The following LRRC20 variants were observed in gnomAD, a reference collection of about 807,000 sequenced individuals.
The protein encoded by LRRC20 is leucine-rich repeat-containing protein 20.
LRRC20 carries 11 observed loss-of-function variants against 14.4 expected under a neutral mutation model. The ratio of observed to expected loss-of-function variants is 0.77; its 90% CI spans 0.48 to 1.27. The LOEUF (loss-of-function observed/expected upper bound fraction) is 1.27. Ranked by LOEUF, LRRC20 falls within the 50% of genes most tolerant of loss-of-function variation. The pLI, the probability that LRRC20 is intolerant of heterozygous loss-of-function variation, is 0.00. For synonymous variants in LRRC20, 121 were observed against 107.3 expected, an observed-to-expected ratio of 1.13 and a Z score of -0.79; for missense variants, 219 against 251.2, an observed-to-expected ratio of 0.87 and a Z score of 0.87.
chr10:70,367,518 G>A (rs1051377099), intron 2 of LRRC20, among the ~76,000 whole-genome samples: 5 of 152,178 alleles, frequency 3.3e-5, no homozygotes, highest in Admixed American at 1.3e-4. Flanking sequence ...CTGTTCAGCA[G>A]TGAAAGGAAC....
intron 2 of LRRC20, among the ~76,000 whole-genome samples, chr10:70,345,980 G>A (rs987334483): frequency 1.2e-4 from 18 of 151,952 alleles, no homozygotes; most frequent in African/African-American, 3.6e-4. Context: ...AATAAAATAC[G>A]GCTGGATATG....
At chr10:70,373,438 C>A (rs1589130915) in intron 2 of LRRC20, among the ~76,000 whole-genome samples, 1 of 152,224 alleles carries the variant, frequency 6.6e-6, no homozygotes, top group Non-Finnish European at 1.5e-5. Flanking sequence ...CCTGGGAGCC[C>A]CCAAGCAACT....
chr10:70,362,105 A>G (rs1843747905), intron 2 of LRRC20, among the ~76,000 whole-genome samples: 1 of 152,220 alleles, frequency 6.6e-6, no homozygotes, highest in Admixed American at 6.5e-5. Context: ...GAATCACTTG[A>G]ACCCAGGAGG....
intron 3 of LRRC20, among the ~76,000 whole-genome samples, chr10:70,324,403 C>T (rs1179718466): frequency 6.6e-6 from 1 of 152,214 alleles, no homozygotes; most frequent in Non-Finnish European, 1.5e-5. Context: ...GCCTCTCCCC[C>T]TCGGGGCTCC....
At chr10:70,303,045 G>A (rs1456291600) in intron 4 of LRRC20, among the ~76,000 whole-genome samples, 2 of 151,670 alleles carry the variant, frequency 1.3e-5, no homozygotes, top group African/African-American at 2.4e-5. Flanking sequence ...AGGTTAAAAT[G>A]GCACATTTTG....
At chr10:70,319,354 C>T (rs182299216) in intron 4 of LRRC20, among the ~76,000 whole-genome samples, 167 of 152,288 alleles carry the variant, frequency 1.1e-3, no homozygotes, top group African/African-American at 3.8e-3. Context: ...CCGGTGAGCA[C>T]GTGGTGAGGC....
At chr10:70,343,251 G>A (rs1412975040) in intron 2 of LRRC20, among the ~76,000 whole-genome samples, 2 of 152,142 alleles carry the variant, frequency 1.3e-5, no homozygotes, top group Non-Finnish European at 2.9e-5. Context: ...TATCTTCCCA[G>A]TGGACTGGGA....
intron 3 of LRRC20, among the ~76,000 whole-genome samples, chr10:70,337,981 ATCC>A (rs1015116498): frequency 5.9e-5 from 9 of 152,058 alleles, no homozygotes; most frequent in African/African-American, 2.2e-4. Flanking sequence ...CAATCATTCT[ATCC>A]TCCTCGGGAA....
At chr10:70,303,397 C>A (rs995119282) in intron 4 of LRRC20, among the ~76,000 whole-genome samples, 1 of 152,182 alleles carries the variant, frequency 6.6e-6, no homozygotes, top group African/African-American at 2.4e-5. Flanking sequence ...CTACCTATAT[C>A]ACTGCTCCAT....
intron 2 of LRRC20, among the ~76,000 whole-genome samples, chr10:70,365,458 A>G (rs1470793443): frequency 1.3e-5 from 2 of 152,246 alleles, no homozygotes; most frequent in African/African-American, 4.8e-5. Context: ...ACCTTGGGTT[A>G]GGCAAAGACT....
chr10:70,341,937 G>A (rs539094901), intron 2 of LRRC20, among the ~76,000 whole-genome samples: 34 of 152,278 alleles, frequency 2.2e-4, no homozygotes, highest in African/African-American at 7.0e-4. Context: ...GCATACAGAC[G>A]GAAAGTAGAT....
chr10:70,373,836 A>C (rs1844399667), intron 2 of LRRC20, among the ~76,000 whole-genome samples: 1 of 152,168 alleles, frequency 6.6e-6, no homozygotes, highest in Admixed American at 6.5e-5. Flanking sequence ...CAGGCATGGC[A>C]GTGGTCTGGC....
At chr10:70,376,678 C>T in intron 1 of LRRC20, 82 bp from the exon 2 acceptor site, 1 of 715,390 alleles carries the variant, frequency 1.4e-6, no homozygotes, top group South Asian at 1.7e-5. Context: ...TCCTTCTCCC[C>T]CAGGACCCAG....
intron 2 of LRRC20, among the ~76,000 whole-genome samples, chr10:70,344,161 C>T (rs1001737606): frequency 6.6e-6 from 1 of 151,922 alleles, no homozygotes; most frequent in East Asian, 1.9e-4. Flanking sequence ...CTCTACACTT[C>T]ACTGCACTCC....
intron 2 of LRRC20, among the ~76,000 whole-genome samples, chr10:70,355,958 C>G (rs919016215): frequency 6.6e-6 from 1 of 152,140 alleles, no homozygotes; most frequent in Non-Finnish European, 1.5e-5. Flanking sequence ...GAAGCCCCTG[C>G]CTCTCTAGGA....
At chr10:70,329,878 T>C (rs1389838961) in intron 3 of LRRC20, among the ~76,000 whole-genome samples, 1 of 152,214 alleles carries the variant, frequency 6.6e-6, no homozygotes, top group African/African-American at 2.4e-5. Flanking sequence ...CCTTTTCATA[T>C]AATAGATTAC....
chr10:70,348,064 C>T (rs1201889641), intron 2 of LRRC20, among the ~76,000 whole-genome samples: 1 of 152,032 alleles, frequency 6.6e-6, no homozygotes, highest in Non-Finnish European at 1.5e-5. Flanking sequence ...TTTTGTGTCC[C>T]CAGGGATTCC....
intron 4 of LRRC20, among the ~76,000 whole-genome samples, chr10:70,315,022 T>C (rs960628942): frequency 6.6e-6 from 1 of 152,220 alleles, no homozygotes; most frequent in Admixed American, 6.5e-5. Context: ...CCGGCTCAGA[T>C]GGAGTGACCT....
intron 3 of LRRC20, among the ~76,000 whole-genome samples, chr10:70,324,492 G>A (rs534441290): frequency 2.0e-5 from 3 of 152,342 alleles, no homozygotes; most frequent in South Asian, 2.1e-4. Context: ...CATTCTTTCA[G>A]TGTCATGTGC....
Sources: gnomAD v4.1 joint callset for allele counts (sites outside exome capture counted in the v4.1 genomes callset) on GRCh38, gnomAD v4.1.1 for gene constraint, MANE v1.5 for transcripts, NCBI Gene and HGNC (gene_info 2026-07-23, HGNC 2026-07-21) for gene names.